Variants in ALK observed in about 807,000 individuals in gnomAD.
The protein encoded by ALK is ALK tyrosine kinase receptor.
In ALK, 74 loss-of-function variants were observed where a neutral mutation model predicts 163.1. The ratio of observed to expected loss-of-function variants is 0.45; its 90% CI spans 0.38 to 0.55. The LOEUF (loss-of-function observed/expected upper bound fraction) is 0.55, where lower values mean the gene tolerates loss of function less well. ALK is among the 20% of genes least tolerant of loss of function. ALK has a pLI of 0.00. For missense variants in ALK, 2,063 were observed against 2,105.3 expected, an observed-to-expected ratio of 0.98 and a Z score of 0.39; for synonymous variants, 960 against 843.2, an observed-to-expected ratio of 1.14 and a Z score of -2.40.
chr2:29,809,568 G>C (rs550804105), intron 1 of ALK, among the ~76,000 whole-genome samples: 2 of 152,306 alleles, frequency 1.3e-5, no homozygotes, highest in Admixed American at 1.3e-4. Flanking sequence ...AGGATAGGAG[G>C]GGGGCTGCCT....
At chr2:29,609,077 C>A (rs1013034326) in intron 3 of ALK, among the ~76,000 whole-genome samples, 1 of 152,172 alleles carries the variant, frequency 6.6e-6, no homozygotes, top group Non-Finnish European at 1.5e-5. Context: ...GCACACACCA[C>A]CATGCCTGGC....
At chr2:29,693,406 T>TACACAC (rs58588313) in intron 3 of ALK, among the ~76,000 whole-genome samples, 45,463 of 144,952 alleles carry the variant, frequency 0.31, 8,363 homozygotes, top group Admixed American at 0.46. Context: ...AGCACTCACC[T>TACACAC]ACACACACAC....
chr2:29,763,911 C>A (rs191294333), intron 1 of ALK, among the ~76,000 whole-genome samples: 1 of 152,120 alleles, frequency 6.6e-6, no homozygotes, highest in Admixed American at 6.5e-5. Context: ...TTCTTCAGGG[C>A]CCCACACCAA....
intron 1 of ALK, among the ~76,000 whole-genome samples, chr2:29,739,332 G>C (rs186926814): frequency 1.3e-5 from 2 of 150,654 alleles, no homozygotes; most frequent in Non-Finnish European, 2.9e-5. Flanking sequence ...GCCCAAGGCG[G>C]GTAGATCACA....
chr2:29,420,909 G>C (rs958599709), intron 4 of ALK, among the ~76,000 whole-genome samples: 1 of 151,536 alleles, frequency 6.6e-6, no homozygotes. Context: ...GCTCGACATA[G>C]CTTGCCCTCT....
At chr2:29,339,048 G>C (rs1394566254) in intron 5 of ALK, among the ~76,000 whole-genome samples, 1 of 152,144 alleles carries the variant, frequency 6.6e-6, no homozygotes, top group African/African-American at 2.4e-5. Flanking sequence ...TTCAAGACCA[G>C]CCTGGCCAAC....
chr2:29,370,143 C>T (rs1016879111), intron 5 of ALK, among the ~76,000 whole-genome samples: 1 of 151,994 alleles, frequency 6.6e-6, no homozygotes, highest in African/African-American at 2.4e-5. Flanking sequence ...TTTCTGCTTT[C>T]TCTTCTAATT....
At chr2:29,400,032 T>C (rs1201940267) in intron 4 of ALK, among the ~76,000 whole-genome samples, 2 of 152,170 alleles carry the variant, frequency 1.3e-5, no homozygotes, top group Admixed American at 6.5e-5. Context: ...TGAGGCCTCA[T>C]CCATGATGAC....
intron 3 of ALK, among the ~76,000 whole-genome samples, chr2:29,569,591 G>A (rs996065646): frequency 5.9e-5 from 9 of 152,124 alleles, no homozygotes; most frequent in Admixed American, 1.3e-4. Context: ...TCCAGAGACA[G>A]TGTCTCCTTT....
chr2:29,612,828 G>A, intron 3 of ALK, among the ~76,000 whole-genome samples: 1 of 152,134 alleles, frequency 6.6e-6, no homozygotes, highest in Non-Finnish European at 1.5e-5. Flanking sequence ...CATCCTGCAG[G>A]GAGTCAGTGA....
chr2:29,277,649 C>T (rs1665582434), intron 9 of ALK, among the ~76,000 whole-genome samples: 2 of 152,216 alleles, frequency 1.3e-5, no homozygotes, highest in South Asian at 4.1e-4. Context: ...ATGAAGAAGT[C>T]TCCATGCTAC....
intron 26 of ALK, among the ~76,000 whole-genome samples, chr2:29,206,399 G>T (rs2148151088): frequency 6.6e-6 from 1 of 151,980 alleles, no homozygotes; most frequent in Admixed American, 6.6e-5. Context: ...AGCTTCCAGA[G>T]TAGCTGGGAC....
chr2:29,437,266 T>C (rs562357858), intron 4 of ALK, among the ~76,000 whole-genome samples: 6 of 152,240 alleles, frequency 3.9e-5, no homozygotes, highest in South Asian at 2.1e-4. Flanking sequence ...TGAGTACATC[T>C]ATTTTTGAAC....
At chr2:29,506,787 G>A in intron 4 of ALK, among the ~76,000 whole-genome samples, 1 of 152,084 alleles carries the variant, frequency 6.6e-6, no homozygotes, top group East Asian at 1.9e-4. Flanking sequence ...GATTTGGATG[G>A]GGTAAAGAAG....
intron 4 of ALK, among the ~76,000 whole-genome samples, chr2:29,494,075 A>C (rs986346952): frequency 6.6e-6 from 1 of 152,180 alleles, no homozygotes; most frequent in African/African-American, 2.4e-5. Context: ...GGGCAATAAG[A>C]AGCAGAATCC....
chr2:29,608,577 G>A (rs546977264), intron 3 of ALK, among the ~76,000 whole-genome samples: 2 of 152,316 alleles, frequency 1.3e-5, no homozygotes, highest in Admixed American at 1.3e-4. Context: ...TGAACCGTGT[G>A]GACATAGGCG....
intron 28 of ALK, among the ~76,000 whole-genome samples, chr2:29,194,654 AC>A (rs796664002): frequency 3.0e-4 from 14 of 46,164 alleles, no homozygotes; most frequent in East Asian, 2.0e-3. Flanking sequence ...CATGCACCCC[AC>A]CCCCCCACCC....
At chr2:29,848,078 G>A (rs1441809648) in intron 1 of ALK, among the ~76,000 whole-genome samples, 2 of 152,142 alleles carry the variant, frequency 1.3e-5, no homozygotes, top group Non-Finnish European at 2.9e-5. Flanking sequence ...TTGGCTGCTG[G>A]TGAGGCTCGG....
chr2:29,571,767 C>T (rs188612221), intron 3 of ALK, among the ~76,000 whole-genome samples: 102 of 151,988 alleles, frequency 6.7e-4, no homozygotes, highest in African/African-American at 2.5e-3. Flanking sequence ...CAGGTGTGCA[C>T]CACCGTGCCT....
Sources: allele counts gnomAD v4.1 joint callset (sites outside exome capture counted in the v4.1 genomes callset), GRCh38; gene constraint gnomAD v4.1.1; transcripts MANE v1.5; gene names NCBI Gene and HGNC (gene_info 2026-07-23, HGNC 2026-07-21).